PCDHA9: variants seen among roughly 807,000 people sequenced by gnomAD.
PCDHA9 encodes the protein protocadherin alpha-9.
In PCDHA9, 62 loss-of-function variants were observed where a neutral mutation model predicts 62.0. The ratio of observed to expected loss-of-function variants is 1.00; its 90% CI spans 0.81 to 1.23. PCDHA9 has a LOEUF of 1.23. Ranked by LOEUF, PCDHA9 falls within the 50% of genes most tolerant of loss-of-function variation. The pLI is 0.00. For synonymous variants in PCDHA9, 557 were observed against 567.6 expected (o/e 0.98, Z 0.27); for missense variants, 1,205 against 1,249.8 (o/e 0.96, Z 0.54).
intron 1 of PCDHA9, among the ~76,000 whole-genome samples, chr5:140,894,264 G>A (rs1231047220): frequency 1.3e-5 from 2 of 151,820 alleles, no homozygotes; most frequent in African/African-American, 4.8e-5. Flanking sequence ...ACAAGTGGTA[G>A]CTTATTTACA....
At chr5:140,937,378 G>A (rs1248709474) in intron 1 of PCDHA9, among the ~76,000 whole-genome samples, 2 of 152,248 alleles carry the variant, frequency 1.3e-5, no homozygotes, top group East Asian at 1.9e-4. Context: ...GTTTATGTGT[G>A]TGTATGTGTA....
chr5:140,933,677 T>A (rs1024721491), intron 1 of PCDHA9, among the ~76,000 whole-genome samples: 8 of 151,826 alleles, frequency 5.3e-5, no homozygotes, highest in African/African-American at 1.9e-4. Context: ...CTCTCTCACA[T>A]TTTTTTTCCT....
chr5:140,935,157 A>G (rs982054485), intron 1 of PCDHA9, among the ~76,000 whole-genome samples: 1 of 152,214 alleles, frequency 6.6e-6, no homozygotes, highest in Non-Finnish European at 1.5e-5. Context: ...TATAATCTCA[A>G]CAACAGGTGT....
chr5:140,877,515 G>T (rs371100299), intron 1 of PCDHA9: 1 of 1,613,678 alleles, frequency 6.2e-7, no homozygotes, highest in African/African-American at 1.3e-5. Flanking sequence ...CGTCGTCGCG[G>T]GCCTCAGTGG....
chr5:140,996,141 A>G (rs1238682290), intron 3 of PCDHA9, among the ~76,000 whole-genome samples: 1 of 152,182 alleles, frequency 6.6e-6, no homozygotes, highest in Admixed American at 6.5e-5. Context: ...TTCTCCCATT[A>G]TCTTGCCTTC....
In PCDHA9 at chr5:140,995,570, A is replaced by T. The variant is rs186345842; in HGVS notation, c.2542+13007A>T. ...TCACTGTACTGAATAATATGTCAAG[A>T]TGAGCTATGAGCTTTTAACTTAGTG... is the stretch of plus-strand genomic sequence containing the variant. On this transcript the variant is annotated intron_variant, in intron 3 of 3. Transcript: ENST00000532602. Among the ~76,000 whole-genome samples, 3 of 152,328 alleles carry T rather than the reference A, an allele frequency of 2.0e-5. No homozygotes were observed. In the East Asian group the frequency reaches 5.8e-4, roughly 29 times the overall value.
intron 1 of PCDHA9, among the ~76,000 whole-genome samples, chr5:140,901,260 T>G (rs1554189701): frequency 1.3e-5 from 2 of 152,190 alleles, no homozygotes; most frequent in African/African-American, 2.4e-5. Flanking sequence ...CCTGTGATTG[T>G]GGGGTATTAC....
chr5:140,913,558 G>T (rs1042223174), intron 1 of PCDHA9, among the ~76,000 whole-genome samples: 5 of 151,668 alleles, frequency 3.3e-5, no homozygotes, highest in Admixed American at 3.3e-4. Flanking sequence ...TTGATCTCTT[G>T]TATTTTCATC....
At chr5:140,856,750 C>A in intron 1 of PCDHA9, 1 of 1,596,268 alleles carries the variant, frequency 6.3e-7, no homozygotes, top group South Asian at 1.1e-5. Context: ...TGTTAGATGC[C>A]AATGATAACG....
At chr5:140,902,051 A>G (rs998360115) in intron 1 of PCDHA9, among the ~76,000 whole-genome samples, 2 of 152,100 alleles carry the variant, frequency 1.3e-5, no homozygotes, top group African/African-American at 4.8e-5. Context: ...TTGATTTTGT[A>G]TCCTGCAACT....
At chr5:140,967,150 C>T (rs1400431511) in intron 1 of PCDHA9, 1 of 1,611,004 alleles carries the variant, frequency 6.2e-7, no homozygotes, top group Non-Finnish European at 8.5e-7. Context: ...CGCACAACCC[C>T]GTGGCGGTGA....
rs116072877 is a variant in PCDHA9 at position 140,927,686 on chromosome 5, A to G, written c.2395-51263A>G. On this transcript the variant is annotated intron_variant, in intron 1 of 3. Transcript: ENST00000532602. ...GCCTTGGATCCAGATGAAGGGTCCA[A>G]TGGGGAAGTCCAGTACTCCCTAAGC... 796 of 1,614,196 alleles carry G rather than the reference A, an allele frequency of 4.9e-4. 3 individuals carry two copies. The African/African-American group carries it at 7.7e-3, about 16-fold the overall frequency.
chr5:140,889,089 A>G (rs1186785152), intron 1 of PCDHA9, among the ~76,000 whole-genome samples: 2 of 151,884 alleles, frequency 1.3e-5, no homozygotes, highest in Non-Finnish European at 2.9e-5. Flanking sequence ...AATTTTCAAA[A>G]CAATTTTTTC....
chr5:140,969,391 A>G, intron 1 of PCDHA9: 2 of 1,592,664 alleles, frequency 1.3e-6, no homozygotes, highest in South Asian at 2.3e-5. Flanking sequence ...ATCCCCCAAT[A>G]TCCTGTGATT....
In PCDHA9 at chr5:140,853,541, G is replaced by C. The variant is rs1554146703; in HGVS notation, c.2394+2652G>C. On this transcript the variant is annotated intron_variant, in intron 1 of 3. Coordinates refer to ENST00000532602, the MANE Select transcript of PCDHA9 (RefSeq NM_031857.2). Reference sequence around the variant, plus strand: ...CTCCTCCTATGTCTCTTTTCAAGTTGTAATTACTATATAGGAAAAACTAAG... The same window carrying C: ...CTCCTCCTATGTCTCTTTTCAAGTTCTAATTACTATATAGGAAAAACTAAG... 3 of 979,204 alleles carry C rather than the reference G, an allele frequency of 3.1e-6. 1 individual carries two copies. The highest frequency in any genetic ancestry group is 3.7e-6 in the Non-Finnish European group (3 of 812,050). 60.7% of individuals were successfully genotyped at this position (979,204 alleles called of 1,614,324 possible). A position where few individuals can be genotyped will look rare whatever the true frequency, so the allele number is the denominator to read the frequency against.
At chr5:140,922,910 A>C (rs1418606862) in intron 1 of PCDHA9, among the ~76,000 whole-genome samples, 4 of 152,228 alleles carry the variant, frequency 2.6e-5, no homozygotes, top group Admixed American at 2.6e-4. Flanking sequence ...TTGAGATACA[A>C]ATAAACTTCA....
intron 1 of PCDHA9, among the ~76,000 whole-genome samples, chr5:140,948,853 C>T (rs1385628610): frequency 6.6e-6 from 1 of 151,298 alleles, no homozygotes; most frequent in Non-Finnish European, 1.5e-5. Context: ...TATTTGCCTT[C>T]TTATATTACT....
intron 1 of PCDHA9, chr5:140,871,232 T>C: frequency 6.2e-7 from 1 of 1,613,948 alleles, no homozygotes; most frequent in South Asian, 1.1e-5. Flanking sequence ...TCCAGCCTCC[T>C]GGTACTCACG....
At chr5:140,871,651 T>C (rs1415489448) in intron 1 of PCDHA9, 20 of 1,258,470 alleles carry the variant, frequency 1.6e-5, no homozygotes, top group Non-Finnish European at 1.9e-5. Flanking sequence ...TACCAAATGA[T>C]ACACATCTTC....
Sources: gnomAD v4.1 joint callset for allele counts (sites outside exome capture counted in the v4.1 genomes callset) on GRCh38, gnomAD v4.1.1 for gene constraint, MANE v1.5 for transcripts, NCBI Gene and HGNC (gene_info 2026-07-23, HGNC 2026-07-21) for gene names.